Variants in RFTN1 observed in about 807,000 individuals in gnomAD.
RFTN1 encodes the protein raftlin.
In RFTN1, 26 loss-of-function variants were observed where a neutral mutation model predicts 46.5. The observed-to-expected ratio is 0.56, with a 90% CI of 0.41 to 0.78. RFTN1 has a LOEUF of 0.78. Ranked by LOEUF, RFTN1 falls within the 30% of genes least tolerant of loss-of-function variation. The pLI is 0.00. For missense variants in RFTN1, 693 were observed against 718.7 expected (o/e 0.96, Z 0.41); for synonymous variants, 261 against 284.2 (o/e 0.92, Z 0.82).
Position 16,351,876 on chromosome 3 carries a change from G to C in RFTN1, c.1146+6056C>G, listed in dbSNP as rs556999808. Among the ~76,000 whole-genome samples the C allele has an allele frequency of 4.4e-4, 66 of 151,230 alleles. No homozygotes were observed. Among genetic ancestry groups the C allele is most frequent in the Non-Finnish European group, 8.4e-4 (57 of 67,932 alleles). On this transcript the variant is annotated intron_variant, in intron 7 of 9. Coordinates refer to ENST00000334133, the MANE Select transcript of RFTN1 (RefSeq NM_015150.2). The surrounding 1 kb of genome is among the most constrained non-coding windows in gnomAD (Gnocchi z 5.4). ...GTGTGTTGGGTGAGGGGACTAGAAA[G>C]ACTAGAAAAAAAAATCATGAAAACA...
At chr3:16,325,699 G>A (rs1356138772) in intron 8 of RFTN1, among the ~76,000 whole-genome samples, 7 of 152,172 alleles carry the variant, frequency 4.6e-5, no homozygotes, top group Admixed American at 2.6e-4. Flanking sequence ...AAAAGTGGCC[G>A]CAGACTGGCT....
chr3:16,437,692 T>C (rs1202922305), intron 2 of RFTN1, among the ~76,000 whole-genome samples: 3 of 152,038 alleles, frequency 2.0e-5, no homozygotes. Flanking sequence ...ATAGGATCGG[T>C]GTTTTTTCCT....
chr3:16,478,635 T>C (rs2076319685), intron 2 of RFTN1, among the ~76,000 whole-genome samples: 1 of 152,208 alleles, frequency 6.6e-6, no homozygotes, highest in African/African-American at 2.4e-5. Flanking sequence ...TCAAAATCTT[T>C]CATGAGGTTG....
intron 2 of RFTN1, among the ~76,000 whole-genome samples, chr3:16,439,745 G>A (rs1338823645): frequency 6.6e-6 from 1 of 152,212 alleles, no homozygotes; most frequent in East Asian, 1.9e-4. Flanking sequence ...AAACATCACT[G>A]CTGCCCGAGG....
intron 5 of RFTN1, among the ~76,000 whole-genome samples, chr3:16,372,408 C>T (rs1052029936): frequency 1.8e-4 from 28 of 152,172 alleles, no homozygotes; most frequent in African/African-American, 6.8e-4. Flanking sequence ...AGAATGGCTG[C>T]AGGTAGAGAG....
At chr3:16,415,409 G>GTGTATA (rs1553589331) in intron 3 of RFTN1, among the ~76,000 whole-genome samples, 8 of 104,576 alleles carry the variant, frequency 7.6e-5, no homozygotes, top group African/African-American at 2.4e-4. Flanking sequence ...AGACAGTTGA[G>GTGTATA]TATATATATA....
intron 8 of RFTN1, among the ~76,000 whole-genome samples, chr3:16,324,612 G>GGCCC (rs1270315325): frequency 1.4e-4 from 10 of 71,080 alleles, no homozygotes; most frequent in African/African-American, 4.2e-4. Flanking sequence ...GAATGTCCCT[G>GGCCC]ACCCCCCCCC....
chr3:16,459,319 T>C lies in RFTN1; in HGVS notation c.146-25282A>G, dbSNP rs1417358023. Reference sequence around the variant, plus strand: ...AATGTGTAACAGACACCTAAACTCTTACATGAAGAGTTATGTGCCCTAGTA... The same window carrying C: ...AATGTGTAACAGACACCTAAACTCTCACATGAAGAGTTATGTGCCCTAGTA... On this transcript the variant is annotated intron_variant, in intron 2 of 9. Transcript: ENST00000334133. The surrounding 1 kb of genome is among the most constrained non-coding windows in gnomAD (Gnocchi z 4.2). Among the ~76,000 whole-genome samples, 2 of 152,220 alleles carry C rather than the reference T, an allele frequency of 1.3e-5. No individual in the cohort carries two copies. Among genetic ancestry groups the C allele is most frequent in the Non-Finnish European group, 2.9e-5 (2 of 68,046 alleles).
intron 4 of RFTN1, among the ~76,000 whole-genome samples, chr3:16,378,392 AC>A (rs2073864493): frequency 6.8e-6 from 1 of 147,468 alleles, no homozygotes; most frequent in Non-Finnish European, 1.5e-5. Context: ...GTCCTTATTA[AC>A]ATTTTTTAAA....
intron 1 of RFTN1, among the ~76,000 whole-genome samples, chr3:16,503,065 TAAG>T (rs1321376659): frequency 2.0e-5 from 3 of 152,180 alleles, no homozygotes; most frequent in Non-Finnish European, 4.4e-5. Context: ...GTTTGCATTA[TAAG>T]AAGAAAACAC....
intron 2 of RFTN1, among the ~76,000 whole-genome samples, chr3:16,456,048 A>C (rs9841598): frequency 0.2 from 30,679 of 151,004 alleles, 3,677 homozygotes; most frequent in African/African-American, 0.31. Flanking sequence ...TCTGTGATCA[A>C]GGACAGCAAA....
chr3:16,432,978 C>G (rs961448354), intron 3 of RFTN1, among the ~76,000 whole-genome samples: 1 of 152,184 alleles, frequency 6.6e-6, no homozygotes, highest in African/African-American at 2.4e-5. Flanking sequence ...CTTTGTCTAC[C>G]TGCAAAGTGA....
chr3:16,325,869 G>A (rs1442751811), intron 8 of RFTN1, among the ~76,000 whole-genome samples: 1 of 152,222 alleles, frequency 6.6e-6, no homozygotes, highest in Non-Finnish European at 1.5e-5. Flanking sequence ...CTCTGCAGTG[G>A]TGAATATGCA....
At chr3:16,478,857 G>A (rs1275822215) in intron 2 of RFTN1, among the ~76,000 whole-genome samples, 2 of 152,164 alleles carry the variant, frequency 1.3e-5, no homozygotes, top group Non-Finnish European at 2.9e-5. Context: ...CTCACAACAC[G>A]GCAACCAGTT....
At chr3:16,354,011 A>G (rs1395630062) in intron 7 of RFTN1, among the ~76,000 whole-genome samples, 1 of 152,240 alleles carries the variant, frequency 6.6e-6, no homozygotes, top group African/African-American at 2.4e-5. Flanking sequence ...TGTTTTAAAA[A>G]GTTCTCCAGG....
Position 16,353,221 on chromosome 3 carries a change from G to GA in RFTN1, c.1146+4710dup, listed in dbSNP as rs760168354. Among the ~76,000 whole-genome samples, 69 of 152,300 alleles carry GA rather than the reference G, an allele frequency of 4.5e-4. No individual in the cohort carries two copies. Among genetic ancestry groups the GA allele is most frequent in the Non-Finnish European group, 7.8e-4 (53 of 68,010 alleles). ...AGGGACCTGCTCAGGCCTTAAAAAGGAAAAATCTTTCCCAGAGGCCAAAAG... is the reference window on the plus strand; with the variant it reads ...AGGGACCTGCTCAGGCCTTAAAAAGGAAAAAATCTTTCCCAGAGGCCAAAAG... On this transcript the variant is annotated intron_variant, in intron 7 of 9. Transcript: ENST00000334133. This position sits in a 1 kb window ranked among gnomAD's most constrained non-coding sequence, Gnocchi z 5.4.
At position 16,422,293 on chromosome 3, in the gene RFTN1, A is replaced by T. The variant is rs2075200216; in HGVS notation, c.332+11558T>A. 6.6e-6 allele frequency among the ~76,000 whole-genome samples: 1 copy of T among 152,236 alleles called. No individual in the cohort carries two copies. Among genetic ancestry groups the T allele is most frequent in the Non-Finnish European group, 1.5e-5 (1 of 68,034 alleles). Reference sequence around the variant, plus strand: ...AACTGAAGAAATTATTTCAGGCTTTACATGGAAAAATCAACGTACAAAAGT... The same window carrying T: ...AACTGAAGAAATTATTTCAGGCTTTTCATGGAAAAATCAACGTACAAAAGT... On this transcript the variant is annotated intron_variant, in intron 3 of 9. Transcript: ENST00000334133. The surrounding 1 kb of genome is among the most constrained non-coding windows in gnomAD (Gnocchi z 4.6).
rs904004001 is a variant in RFTN1 at position 16,353,763 on chromosome 3, C to T, written c.1146+4169G>A. On this transcript the variant is annotated intron_variant, in intron 7 of 9. Coordinates refer to ENST00000334133, the MANE Select transcript of RFTN1 (RefSeq NM_015150.2). The surrounding 1 kb of genome is among the most constrained non-coding windows in gnomAD (Gnocchi z 5.4). ...AGTAGCCCCCTCCCACCTGTGCGTGCTCAGAGGCAAGGGCATATGAGGATA... is the reference window on the plus strand; with the variant it reads ...AGTAGCCCCCTCCCACCTGTGCGTGTTCAGAGGCAAGGGCATATGAGGATA... 2.0e-5 allele frequency among the ~76,000 whole-genome samples: 3 copies of T among 152,210 alleles called. No individual in the cohort carries two copies. Among genetic ancestry groups the T allele is most frequent in the Admixed American group, 2.0e-4 (3 of 15,278 alleles).
rs2073669361 is a variant in RFTN1 at position 16,374,566 on chromosome 3, C to T, written c.826+3152G>A. On this transcript the variant is annotated intron_variant, in intron 5 of 9. Coordinates refer to ENST00000334133, the MANE Select transcript of RFTN1 (RefSeq NM_015150.2). This position sits in a 1 kb window ranked among gnomAD's most constrained non-coding sequence, Gnocchi z 5.4. Reference sequence around the variant, plus strand: ...TCAGCCAGAAACATGATTGGCATCACACGCTTGGGTTTCTGGCTGACATTT... The same window carrying T: ...TCAGCCAGAAACATGATTGGCATCATACGCTTGGGTTTCTGGCTGACATTT... Among the ~76,000 whole-genome samples, 1 of 152,198 alleles carries T rather than the reference C, an allele frequency of 6.6e-6. No individual in the cohort carries two copies. The highest frequency in any genetic ancestry group is 2.1e-4 in the South Asian group (1 of 4,826).
Sources: gnomAD v4.1 joint callset for allele counts (sites outside exome capture counted in the v4.1 genomes callset) on GRCh38, gnomAD v4.1.1 for gene constraint, Gnocchi (gnomAD v3.1) non-coding constraint, MANE v1.5 for transcripts, NCBI Gene and HGNC (gene_info 2026-07-23, HGNC 2026-07-21) for gene names.